The following GPC3 variants were observed in gnomAD, a reference collection of about 807,000 sequenced individuals.
GPC3 encodes the protein glypican 3.
In GPC3, 3 loss-of-function variants were observed where a neutral mutation model predicts 34.4. The ratio of observed to expected loss-of-function variants is 0.09; its 90% CI spans 0.04 to 0.23. GPC3 has a LOEUF of 0.23. Ranked by LOEUF, GPC3 falls within the 10% of genes least tolerant of loss-of-function variation. The pLI is 1.00. For missense variants in GPC3, 351 were observed against 445.6 expected (o/e 0.79, Z 1.91); for synonymous variants, 177 against 174.0 (o/e 1.02, Z -0.13).
intron 2 of GPC3, among the ~76,000 whole-genome samples, chrX:133,758,293 T>A (rs1192125192): frequency 9.0e-6 from 1 of 111,588 alleles, no homozygotes; most frequent in African/African-American, 3.3e-5. Flanking sequence ...AGACATGGAA[T>A]CAACCCAAAT....
At chrX:133,651,132 A>G (rs1409371558) in intron 6 of GPC3, among the ~76,000 whole-genome samples, 1 of 111,541 alleles carries the variant, frequency 9.0e-6, no homozygotes, top group Non-Finnish European at 1.9e-5. Flanking sequence ...TCACAATCCC[A>G]AAACAGTCCT....
intron 2 of GPC3, among the ~76,000 whole-genome samples, chrX:133,818,146 T>C (rs2075701499): frequency 9.0e-6 from 1 of 111,589 alleles, no homozygotes; most frequent in Non-Finnish European, 1.9e-5. Context: ...TATCGATTTA[T>C]ATTCCACTAG....
At chrX:133,580,772 C>T (rs192643590) in intron 7 of GPC3, among the ~76,000 whole-genome samples, 13 of 111,796 alleles carry the variant, frequency 1.2e-4, no homozygotes, top group South Asian at 3.8e-4. Flanking sequence ...TCCAGTGATC[C>T]GACCACATTT....
intron 6 of GPC3, among the ~76,000 whole-genome samples, chrX:133,648,228 G>T (rs149361534): frequency 0.037 from 3,928 of 107,391 alleles, 92 homozygotes; most frequent in Non-Finnish European, 0.055. Flanking sequence ...GAAGCCCAAT[G>T]CAAATTTGTG....
At chrX:133,975,610 T>C (rs952511570) in intron 1 of GPC3, among the ~76,000 whole-genome samples, 2 of 111,696 alleles carry the variant, frequency 1.8e-5, no homozygotes, top group African/African-American at 6.5e-5. Flanking sequence ...GCCACAGTCA[T>C]GCTGCCTTGG....
At chrX:133,968,838 G>A (rs781050785) in intron 1 of GPC3, among the ~76,000 whole-genome samples, 2 of 110,025 alleles carry the variant, frequency 1.8e-5, no homozygotes, top group African/African-American at 6.6e-5. Context: ...TAGAATAGGG[G>A]ATACTTAGGC....
intron 3 of GPC3, among the ~76,000 whole-genome samples, chrX:133,734,742 C>G (rs1385228539): frequency 9.0e-6 from 1 of 111,518 alleles, no homozygotes; most frequent in Non-Finnish European, 1.9e-5. Flanking sequence ...CTCTCTCACT[C>G]ACTTACACAC....
intron 4 of GPC3, among the ~76,000 whole-genome samples, chrX:133,694,742 T>C (rs972103489): frequency 1.1e-4 from 11 of 104,292 alleles, no homozygotes; most frequent in African/African-American, 1.4e-4. Flanking sequence ...TTGATTTCCA[T>C]AGAAGTTAAA....
At chrX:133,751,518 A>G (rs935483602) in intron 3 of GPC3, among the ~76,000 whole-genome samples, 5 of 112,362 alleles carry the variant, frequency 4.4e-5, no homozygotes, top group Admixed American at 1.9e-4. Flanking sequence ...AATGACTAAC[A>G]TTGTGAATGG....
At chrX:133,805,187 A>G (rs1365148945) in intron 2 of GPC3, among the ~76,000 whole-genome samples, 1 of 112,357 alleles carries the variant, frequency 8.9e-6, no homozygotes, top group Admixed American at 9.4e-5. Flanking sequence ...AATAAAAAAG[A>G]AATATATAAA....
chrX:133,731,397 G>A (rs761339711), intron 3 of GPC3, among the ~76,000 whole-genome samples: 2 of 112,704 alleles, frequency 1.8e-5, no homozygotes, highest in South Asian at 3.6e-4. Flanking sequence ...TAGCCATATA[G>A]TACAAAAGCA....
At chrX:133,843,097 T>C (rs975742569) in intron 2 of GPC3, among the ~76,000 whole-genome samples, 2 of 111,717 alleles carry the variant, frequency 1.8e-5, no homozygotes, top group Non-Finnish European at 3.8e-5. Context: ...CTTGCAGCCA[T>C]GTTATTGAGT....
intron 2 of GPC3, among the ~76,000 whole-genome samples, chrX:133,898,912 G>C (rs923363645): frequency 3.6e-5 from 4 of 111,885 alleles, no homozygotes; most frequent in Non-Finnish European, 7.5e-5. Flanking sequence ...AAGATCCTAG[G>C]AAGCTGGCCA....
intron 2 of GPC3, among the ~76,000 whole-genome samples, chrX:133,914,813 T>A (rs2076215775): frequency 9.5e-6 from 1 of 105,360 alleles, no homozygotes; most frequent in South Asian, 4.3e-4. Context: ...AAGATATATA[T>A]CACTATAATT....
chrX:133,980,919 C>T (rs2076535459), intron 1 of GPC3, among the ~76,000 whole-genome samples: 1 of 112,311 alleles, frequency 8.9e-6, no homozygotes, highest in African/African-American at 3.2e-5. Flanking sequence ...ATGGAAGTAG[C>T]AGAATGCTCA....
At chrX:133,551,009 T>C (rs1285436796) in intron 7 of GPC3, among the ~76,000 whole-genome samples, 5 of 112,287 alleles carry the variant, frequency 4.5e-5, no homozygotes, top group Non-Finnish European at 9.4e-5. Flanking sequence ...GCAATCTGTG[T>C]GCCATGCTGG....
chrX:133,698,394 A>G (rs1260230244), intron 4 of GPC3, among the ~76,000 whole-genome samples: 2 of 112,473 alleles, frequency 1.8e-5, no homozygotes, highest in Non-Finnish European at 3.7e-5. Flanking sequence ...TTGAGTATCA[A>G]ATCGCCTTGA....
intron 2 of GPC3, among the ~76,000 whole-genome samples, chrX:133,835,905 A>G (rs2075797291): frequency 8.8e-6 from 1 of 113,209 alleles, no homozygotes; most frequent in Non-Finnish European, 1.9e-5. Flanking sequence ...ACACTAAAAG[A>G]TCATCTGGCT....
intron 2 of GPC3, among the ~76,000 whole-genome samples, chrX:133,868,584 C>A (rs1272881386): frequency 8.9e-6 from 1 of 111,855 alleles, no homozygotes; most frequent in Non-Finnish European, 1.9e-5. Context: ...ATAACAACAA[C>A]AAATACAAGA....
Sources: allele counts gnomAD v4.1 joint callset (sites outside exome capture counted in the v4.1 genomes callset), GRCh38; gene constraint gnomAD v4.1.1; transcripts MANE v1.5; gene names NCBI Gene and HGNC (gene_info 2026-07-23, HGNC 2026-07-21).